NUDT9: variants seen among roughly 807,000 people sequenced by gnomAD.
The protein encoded by NUDT9 is ADP-ribose pyrophosphatase.
NUDT9 carries 31 observed loss-of-function variants against 41.0 expected under a neutral mutation model. That is an observed-to-expected ratio of 0.76 (90% confidence interval 0.57 to 1.02). The LOEUF is 1.02. Among genes scored for constraint, NUDT9 ranks in the 50% least tolerant of loss-of-function variants. The pLI is 0.00. For missense variants in NUDT9, 380 were observed against 431.4 expected, an observed-to-expected ratio of 0.88 and a Z score of 1.06; for synonymous variants, 146 against 147.6, an observed-to-expected ratio of 0.99 and a Z score of 0.08.
At chr4:87,438,046 T>G (rs1010357600) in intron 2 of NUDT9, among the ~76,000 whole-genome samples, 2 of 151,954 alleles carry the variant, frequency 1.3e-5, no homozygotes, top group Non-Finnish European at 2.9e-5. Flanking sequence ...TTAGTAAGTT[T>G]AATAATAATA....
chr4:87,429,242 C>G (rs1721571352), intron 1 of NUDT9, among the ~76,000 whole-genome samples: 1 of 152,046 alleles, frequency 6.6e-6, no homozygotes, highest in Non-Finnish European at 1.5e-5. Context: ...GCCTTGACCT[C>G]CTGGACTCAG....
At chr4:87,457,794 T>C (rs1366446465) in intron 7 of NUDT9, 49 bp from the exon 8 acceptor site, 1 of 1,538,248 alleles carries the variant, frequency 6.5e-7, no homozygotes, top group Non-Finnish European at 9.0e-7. Context: ...ATAGATATGC[T>C]AAAACAGAAA....
rs112364998 is a variant in NUDT9 at position 87,430,630 on chromosome 4, A to C, written c.108-4351A>C. ...TGTTTTTTTGATAGTGGTCATTCTA[A>C]TGGGTCTGAGGTAGTATCTCATTGT... On this transcript the variant is annotated intron_variant, in intron 1 of 7. Transcript: ENST00000302174. Among the ~76,000 whole-genome samples, 1,320 of 152,166 alleles carry C rather than the reference A, an allele frequency of 8.7e-3. 14 individuals are homozygous for C. Among genetic ancestry groups the C allele is most frequent in the African/African-American group, 0.029 (1,199 of 41,506 alleles).
chr4:87,426,432 C>CA (rs1366814933), intron 1 of NUDT9, among the ~76,000 whole-genome samples: 2 of 150,152 alleles, frequency 1.3e-5, no homozygotes, highest in Middle Eastern at 3.2e-3. Flanking sequence ...TTTTTTGAGA[C>CA]AGAGTCTCGC....
chr4:87,431,848 G>A (rs957611492), intron 1 of NUDT9, among the ~76,000 whole-genome samples: 1 of 152,176 alleles, frequency 6.6e-6, no homozygotes, highest in Non-Finnish European at 1.5e-5. Context: ...ACCATGCCCG[G>A]CTAATTTTTG....
At chr4:87,440,771 G>A (rs1198600303) in intron 3 of NUDT9, among the ~76,000 whole-genome samples, 9 of 151,946 alleles carry the variant, frequency 5.9e-5, no homozygotes, top group African/African-American at 9.7e-5. Context: ...GCTTGAACCC[G>A]GGAGACGGAG....
chr4:87,423,111 C>A, intron 1 of NUDT9, 99 bp downstream of exon 1: 1 of 792,598 alleles, frequency 1.3e-6, no homozygotes, highest in Non-Finnish European at 2.0e-6. Flanking sequence ...CTTTGCTTTG[C>A]CTCTCGGGTT....
intron 6 of NUDT9, among the ~76,000 whole-genome samples, 195 bp from the exon 7 acceptor site, chr4:87,454,176 T>TA (rs1426694686): frequency 2.0e-5 from 3 of 152,182 alleles, no homozygotes; most frequent in African/African-American, 7.2e-5. Context: ...TACATTTCTT[T>TA]AAAAAAATTT....
At chr4:87,443,002 A>T (rs1287457062) in intron 4 of NUDT9, among the ~76,000 whole-genome samples, 1 of 152,238 alleles carries the variant, frequency 6.6e-6, no homozygotes, top group African/African-American at 2.4e-5. Flanking sequence ...ATAAGCCAGT[A>T]ACATAGTCAC....
rs7681421 is a variant in NUDT9 at position 87,423,647 on chromosome 4, C to A, written c.107+635C>A. On this transcript the variant is annotated intron_variant, in intron 1 of 7. Coordinates refer to ENST00000302174, the MANE Select transcript of NUDT9 (RefSeq NM_024047.5). ...CTACAAAGATGATAATTAGAAAAAT[C>A]TATTTCCTAAATAATTTACTTACTG... Among the ~76,000 whole-genome samples the A allele has an allele frequency of 9.6e-3, 1,462 of 152,264 alleles. 18 individuals carry two copies. The highest frequency in any genetic ancestry group is 0.03 in the African/African-American group (1,226 of 41,546).
intron 1 of NUDT9, 26 bp downstream of exon 1, chr4:87,423,038 C>A: frequency 6.3e-7 from 1 of 1,584,212 alleles, no homozygotes; most frequent in East Asian, 2.3e-5. Context: ...ACTACCGGCT[C>A]CTTTGCCCTA....
intron 7 of NUDT9, among the ~76,000 whole-genome samples, chr4:87,456,512 T>TCCA: frequency 6.6e-6 from 1 of 152,288 alleles, no homozygotes; most frequent in Non-Finnish European, 1.5e-5. Context: ...AGGATTTTTC[T>TCCA]CCAGTCTTCA....
At chr4:87,423,272 G>A (rs1363302493) in intron 1 of NUDT9, among the ~76,000 whole-genome samples, 1 of 152,108 alleles carries the variant, frequency 6.6e-6, no homozygotes, top group African/African-American at 2.4e-5. Context: ...AGTTTAAATA[G>A]CAATTGTTTG....
intron 4 of NUDT9, among the ~76,000 whole-genome samples, chr4:87,443,553 G>GAA (rs1033614334): frequency 6.6e-6 from 1 of 152,178 alleles, no homozygotes; most frequent in African/African-American, 2.4e-5. Context: ...TGGAAAATGT[G>GAA]AAGTAAGAAA....
At chr4:87,440,477 C>T (rs1022949918) in intron 3 of NUDT9, among the ~76,000 whole-genome samples, 2 of 152,144 alleles carry the variant, frequency 1.3e-5, no homozygotes, top group African/African-American at 4.8e-5. Context: ...TGGTCTTGGT[C>T]ATCTATACAA....
chr4:87,457,236 A>ATT (rs34596563), intron 7 of NUDT9, among the ~76,000 whole-genome samples: 234 of 126,664 alleles, frequency 1.8e-3, no homozygotes, highest in Non-Finnish European at 2.5e-3. Flanking sequence ...GATAATTTAA[A>ATT]TTTTTTTTTT....
In NUDT9 at chr4:87,459,323, G is replaced by A. The variant is rs1723114704; in HGVS notation, c.*1302G>A. 6.6e-6 allele frequency: 1 copy of A among 152,130 alleles called. No individual in the cohort carries two copies. The highest frequency in any genetic ancestry group is 1.5e-5 in the Non-Finnish European group (1 of 68,032). The allele number at this position is 152,130 out of a possible 1,614,324, so 9.4% of individuals were successfully genotyped here. ...GAGAGGATCAGGAAAAATAACTAAT[G>A]AGTACTAGGCTTAATACCTTGGTGA... On this transcript the variant is annotated 3_prime_UTR_variant, in exon 8 of 8. Transcript: ENST00000302174.
rs1282976874 is a variant in NUDT9 at position 87,449,250 on chromosome 4, A to G, written c.639A>G (p.Pro213=). Residue 213 remains proline, a synonymous_variant, in exon 5 of 8, where the codon CCA becomes CCG. Coordinates refer to ENST00000302174, the MANE Select transcript of NUDT9 (RefSeq NM_024047.5). ...KRKDCGEWAI[P]GGMVDPGEKI... is the part of the protein sequence containing the mutation. ...AAGACTGTGGAGAATGGGCAATCCC[A>G]GGGGTAAGCATTAAAATTAAATTAG... 1.6e-5 allele frequency: 24 copies of G among 1,507,006 alleles called. No homozygotes were observed. The highest frequency in any genetic ancestry group is 2.1e-5 in the Non-Finnish European group (23 of 1,083,060). The allele number at this position is 1,507,006 out of a possible 1,614,324, so 93.4% of individuals were successfully genotyped here.
At chr4:87,433,612 G>C (rs894412248) in intron 1 of NUDT9, among the ~76,000 whole-genome samples, 20 of 152,314 alleles carry the variant, frequency 1.3e-4, no homozygotes, top group Non-Finnish European at 2.6e-4. Flanking sequence ...GGGGAAAGGA[G>C]CTATCATAAT....
Sources: gnomAD v4.1 joint callset for allele counts (sites outside exome capture counted in the v4.1 genomes callset) on GRCh38, gnomAD v4.1.1 for gene constraint, MANE v1.5 for transcripts, NCBI Gene and HGNC (gene_info 2026-07-23, HGNC 2026-07-21) for gene names.